CORIN: variants seen among roughly 807,000 people sequenced by gnomAD.
CORIN encodes atrial natriuretic peptide-converting enzyme.
CORIN carries 117 observed loss-of-function variants against 125.3 expected under a neutral mutation model. The observed-to-expected ratio is 0.93, with a 90% CI of 0.80 to 1.09. CORIN has a LOEUF of 1.09. Ranked by LOEUF, CORIN falls within the 50% of genes least tolerant of loss-of-function variation. The pLI is 0.00. For missense variants in CORIN, 1,253 were observed against 1,306.7 expected, an observed-to-expected ratio of 0.96 and a Z score of 0.63; for synonymous variants, 450 against 466.4, an observed-to-expected ratio of 0.96 and a Z score of 0.45.
chr4:47,627,197 G>A (rs1471045251), intron 16 of CORIN, among the ~76,000 whole-genome samples: 1 of 152,058 alleles, frequency 6.6e-6, no homozygotes, highest in Non-Finnish European at 1.5e-5. Context: ...TGTCCAGGGT[G>A]GTCTTAAACT....
intron 5 of CORIN, among the ~76,000 whole-genome samples, chr4:47,717,991 C>T (rs1211547047): frequency 6.6e-6 from 1 of 152,038 alleles, no homozygotes. Flanking sequence ...GAGATGGATA[C>T]AGGAGGGAGG....
At position 47,594,619 on chromosome 4, in the gene CORIN, C is replaced by A. The variant is rs1472452552; in HGVS notation, c.*1102G>T. 1 of 152,122 alleles carries A rather than the reference C, an allele frequency of 6.6e-6. No individual in the cohort carries two copies. Among genetic ancestry groups the A allele is most frequent in the Non-Finnish European group, 1.5e-5 (1 of 67,986 alleles). The allele number at this position is 152,122 out of a possible 1,614,324, so 9.4% of individuals were successfully genotyped here. On this transcript the variant is annotated 3_prime_UTR_variant, in exon 22 of 22. Coordinates refer to ENST00000273857, the MANE Select transcript of CORIN (RefSeq NM_006587.4). The stretch of plus-strand genomic sequence containing the variant: ...ATGTTTTACTCCATGCAAAGTCTTA[C>A]TGTGCTCTAAAATATGCTCTTTATG...
intron 2 of CORIN, among the ~76,000 whole-genome samples, chr4:47,791,042 C>T (rs61756969): frequency 0.088 from 13,342 of 152,142 alleles, 735 homozygotes; most frequent in East Asian, 0.27. Context: ...AGAGATGCCA[C>T]ATCCCAATTC....
chr4:47,641,987 G>GT lies in CORIN; in HGVS notation c.2130dup (p.His711ThrfsTer57), dbSNP rs1383126076. On this transcript the variant is annotated frameshift_variant, in exon 16 of 22. Transcript: ENST00000273857. LOFTEE classifies it high-confidence loss of function. ...TGCCAGCCATCTGCACACACATGGT[G>GT]TTCTGTGGCAGCTCTGTGAACCATC... is the stretch of plus-strand genomic sequence containing the variant. 2 of 1,613,512 alleles carry GT rather than the reference G, an allele frequency of 1.2e-6. No individual in the cohort carries two copies. The highest frequency in any genetic ancestry group is 1.7e-6 in the Non-Finnish European group (2 of 1,179,680).
chr4:47,667,861 T>C (rs1321684210), intron 10 of CORIN, among the ~76,000 whole-genome samples: 1 of 152,186 alleles, frequency 6.6e-6, no homozygotes, highest in Non-Finnish European at 1.5e-5. Context: ...ACTAAATGTT[T>C]GTGTTCCCCC....
intron 19 of CORIN, among the ~76,000 whole-genome samples, chr4:47,610,184 T>C (rs1028408019): frequency 2.6e-5 from 4 of 152,226 alleles, no homozygotes; most frequent in Admixed American, 2.0e-4. Flanking sequence ...TGCCACACTA[T>C]CTTCCACAAT....
At chr4:47,692,911 T>C (rs1162644536) in intron 6 of CORIN, 59 bp downstream of exon 6, 8 of 1,266,756 alleles carry the variant, frequency 6.3e-6, no homozygotes, top group Non-Finnish European at 6.9e-6. Flanking sequence ...ATGCTGATGA[T>C]TGTCAGGATT....
At chr4:47,779,674 G>A (rs1444784033) in intron 3 of CORIN, among the ~76,000 whole-genome samples, 1 of 152,066 alleles carries the variant, frequency 6.6e-6, no homozygotes, top group Non-Finnish European at 1.5e-5. Context: ...GACCTCAGGT[G>A]ATCCACCTGC....
chr4:47,731,953 A>G (rs1298108997), intron 5 of CORIN, among the ~76,000 whole-genome samples: 2 of 152,158 alleles, frequency 1.3e-5, no homozygotes, highest in East Asian at 1.9e-4. Flanking sequence ...CCACACAGGT[A>G]GAGACCCTTG....
intron 4 of CORIN, among the ~76,000 whole-genome samples, chr4:47,754,960 C>A (rs541147959): frequency 6.6e-6 from 1 of 152,078 alleles, no homozygotes; most frequent in South Asian, 2.1e-4. Context: ...TTGAGAAAAC[C>A]TATGCTAAAT....
At chr4:47,619,317 T>C (rs1722207970) in intron 19 of CORIN, among the ~76,000 whole-genome samples, 1 of 152,206 alleles carries the variant, frequency 6.6e-6, no homozygotes, top group Admixed American at 6.5e-5. Flanking sequence ...AGAGACAGGC[T>C]GAGGATACCC....
At chr4:47,777,505 C>T (rs1454030985) in intron 3 of CORIN, among the ~76,000 whole-genome samples, 1 of 152,114 alleles carries the variant, frequency 6.6e-6, no homozygotes. Context: ...GTGGCACACA[C>T]CTGTTATCCC....
intron 12 of CORIN, among the ~76,000 whole-genome samples, chr4:47,660,765 T>C (rs550399017): frequency 6.6e-6 from 1 of 152,326 alleles, no homozygotes; most frequent in African/African-American, 2.4e-5. Context: ...GAGAACAATT[T>C]AGAGGCTTCT....
chr4:47,777,644 C>G (rs2109899805), intron 3 of CORIN, among the ~76,000 whole-genome samples: 1 of 152,080 alleles, frequency 6.6e-6, no homozygotes, highest in East Asian at 1.9e-4. Flanking sequence ...AACAGAAATT[C>G]AAACACCACA....
intron 12 of CORIN, among the ~76,000 whole-genome samples, chr4:47,659,108 T>G (rs1724131646): frequency 6.6e-6 from 1 of 152,210 alleles, no homozygotes; most frequent in Non-Finnish European, 1.5e-5. Flanking sequence ...TTTCCCCCGG[T>G]TCCCAATTAG....
rs776180329 is a variant in CORIN at position 47,806,955 on chromosome 4, A to C, written c.156T>G (p.Ile52Met). Reference sequence around the variant, plus strand: ...AGAGAACGAGAGCACAGATACATGGAATCAGGACCAGCAATAGGAACCGGA... The same window carrying C: ...AGAGAACGAGAGCACAGATACATGGCATCAGGACCAGCAATAGGAACCGGA... ...NLLRFLLLVL[I>M]PCICALVLLL... is the part of the protein sequence containing the mutation. The change falls in exon 2 of 22, where the codon ATT becomes ATG. Residue 52 changes from isoleucine (I) to methionine (M), a missense_variant. Physicochemically the swap from Ile to Met is conservative, Grantham distance 10. Transcript: ENST00000273857. 2 of 1,613,928 alleles carry C rather than the reference A, an allele frequency of 1.2e-6. No homozygotes were observed. The highest frequency in any genetic ancestry group is 3.3e-5 in the Admixed American group (2 of 60,014).
At chr4:47,633,785 T>TA (rs1401917195) in intron 16 of CORIN, among the ~76,000 whole-genome samples, 1 of 152,210 alleles carries the variant, frequency 6.6e-6, no homozygotes, top group Non-Finnish European at 1.5e-5. Flanking sequence ...CATGACTTTT[T>TA]AAATTCCAGT....
intron 19 of CORIN, among the ~76,000 whole-genome samples, chr4:47,612,439 A>T (rs541398775): frequency 1.3e-5 from 2 of 152,360 alleles, no homozygotes; most frequent in East Asian, 3.9e-4. Context: ...AAAAATGGAT[A>T]CAACAAGCAA....
In CORIN at chr4:47,753,737, G is replaced by A. The variant is rs148875482; in HGVS notation, c.618-9154C>T. Among the ~76,000 whole-genome samples, 71 of 152,086 alleles carry A rather than the reference G, an allele frequency of 4.7e-4. 1 individual carries two copies. Among genetic ancestry groups the A allele is most frequent in the Middle Eastern group, 6.8e-3 (2 of 294 alleles). The stretch of plus-strand genomic sequence containing the variant: ...TATCTTCCCTTGTTCCCTGAAAATC[G>A]CTGTTACTCTGTTTTTTTTCAAGGT... On this transcript the variant is annotated intron_variant, in intron 4 of 21. Coordinates refer to ENST00000273857, the MANE Select transcript of CORIN (RefSeq NM_006587.4).
Sources: allele counts gnomAD v4.1 joint callset (sites outside exome capture counted in the v4.1 genomes callset), GRCh38; gene constraint gnomAD v4.1.1; transcripts MANE v1.5; gene names NCBI Gene and HGNC (gene_info 2026-07-23, HGNC 2026-07-21).